Variants in CD58 observed in about 807,000 individuals in gnomAD.
CD58 encodes the protein lymphocyte function-associated antigen 3.
Under a neutral mutation model 27.6 loss-of-function variants are expected in CD58, and 14 were observed. That is an observed-to-expected ratio of 0.51 (90% CI 0.34 to 0.79). CD58 has a LOEUF of 0.79. Ranked by LOEUF, CD58 falls within the 30% of genes least tolerant of loss-of-function variation. The pLI is 0.02. For missense variants in CD58, 268 were observed against 301.7 expected, an observed-to-expected ratio of 0.89 and a Z score of 0.83; for synonymous variants, 117 against 103.8, an observed-to-expected ratio of 1.13 and a Z score of -0.77.
chr1:116,557,096 T>C lies in CD58; in HGVS notation c.71-12492A>G, dbSNP rs1393732583. On this transcript the variant is annotated intron_variant, in intron 1 of 5. Transcript: ENST00000369489. The surrounding 1 kb of genome is among the most constrained non-coding windows in gnomAD (Gnocchi z 5.2). ...GCTGTATCCCCATATGTCTGGCATATGGACTTTCAATAAATATCTGTTGAA... is the reference window on the plus strand; with the variant it reads ...GCTGTATCCCCATATGTCTGGCATACGGACTTTCAATAAATATCTGTTGAA... Among the ~76,000 whole-genome samples the C allele has an allele frequency of 2.0e-5, 3 of 152,252 alleles. No homozygotes were observed. The highest frequency in any genetic ancestry group is 7.2e-5 in the African/African-American group (3 of 41,462).
intron 1 of CD58, among the ~76,000 whole-genome samples, chr1:116,567,198 G>GAAGGT (rs1430507677): frequency 7.6e-5 from 10 of 131,290 alleles, no homozygotes; most frequent in Non-Finnish European, 1.5e-4. Flanking sequence ...GAAGGGAAGG[G>GAAGGT]AAGGGAAGGG....
chr1:116,560,472 G>A (rs145606013), intron 1 of CD58, among the ~76,000 whole-genome samples: 87 of 152,264 alleles, frequency 5.7e-4, no homozygotes, highest in African/African-American at 1.7e-3. Context: ...TCAGTTCATC[G>A]TTGGGAAACT....
In CD58 at chr1:116,521,914, T is replaced by C. The variant is rs1170140279; in HGVS notation, c.698A>G (p.Tyr233Cys). Residue 233 changes from tyrosine (Y) to cysteine (C), a missense_variant, in exon 4 of 6, where the codon TAT (tyrosine) becomes TGT (cysteine). Tyr to Cys is a radical substitution (Grantham distance 194, BLOSUM62 -2). Transcript: ENST00000369489. This position sits in a 1 kb window ranked among gnomAD's most constrained non-coding sequence, Gnocchi z 5.6. ...TTAAAAAGCATACATACCATTCATA[T>C]ACAGCACAATACATGTTGTAATTAC... is the stretch of plus-strand genomic sequence containing the variant. Reference protein sequence around the residue: ...LAVITTCIVLYMNGILKCDRK... With the variant: ...LAVITTCIVLCMNGILKCDRK... 2 of 1,528,740 alleles carry C rather than the reference T, an allele frequency of 1.3e-6. No individual in the cohort carries two copies. The highest frequency in any genetic ancestry group is 1.7e-5 in the Admixed American group (1 of 59,222). 94.7% of individuals were successfully genotyped at this position (1,528,740 alleles called of 1,614,324 possible).
At chr1:116,543,645 G>A (rs952814320) in intron 2 of CD58, among the ~76,000 whole-genome samples, 16 of 151,972 alleles carry the variant, frequency 1.1e-4, no homozygotes, top group Non-Finnish European at 1.6e-4. Context: ...TGCAGGAGCT[G>A]GGTGTGGTGG....
intron 3 of CD58, among the ~76,000 whole-genome samples, chr1:116,525,896 C>T (rs796354010): frequency 5.9e-5 from 9 of 152,310 alleles, no homozygotes; most frequent in African/African-American, 2.2e-4. Flanking sequence ...GGTGATCCGC[C>T]TGCCTCGGCC....
At position 116,534,710 on chromosome 1, in the gene CD58, C is replaced by CACTTT. The variant is rs1438035079; in HGVS notation, c.628+1254_628+1255insAAAGT. ...TTTCTTGAAAAATGTCTTTCCTTTC[C>CACTTT]CAAAAGTGACTCTGCTTTGTCTGAA... On this transcript the variant is annotated intron_variant, in intron 3 of 5. Transcript: ENST00000369489. This position sits in a 1 kb window ranked among gnomAD's most constrained non-coding sequence, Gnocchi z 5.3. Among the ~76,000 whole-genome samples the CACTTT allele has an allele frequency of 1.3e-5, 2 of 152,216 alleles. No homozygotes were observed. The highest frequency in any genetic ancestry group is 4.8e-5 in the African/African-American group (2 of 41,462).
Position 116,521,768 on chromosome 1 carries a change from C to T in CD58, c.706+138G>A, listed in dbSNP as rs769934290. On this transcript the variant is annotated intron_variant, in intron 4 of 5. Coordinates refer to ENST00000369489, the MANE Select transcript of CD58 (RefSeq NM_001779.3). The surrounding 1 kb of genome is among the most constrained non-coding windows in gnomAD (Gnocchi z 5.6). The stretch of plus-strand genomic sequence containing the variant: ...GAACCTAGCATGCTCAGCAGTCCCA[C>T]ACACGTAAAGCAAAAAAGTTTTTGT... 1.6e-6 allele frequency: 1 copy of T among 627,630 alleles called. No individual in the cohort carries two copies. The highest frequency in any genetic ancestry group is 2.9e-6 in the Non-Finnish European group (1 of 340,444). The allele number at this position is 627,630 out of a possible 1,614,324, so 38.9% of individuals were successfully genotyped here. A position where few individuals can be genotyped will look rare whatever the true frequency, so the allele number is the denominator to read the frequency against.
intron 1 of CD58, among the ~76,000 whole-genome samples, chr1:116,547,682 C>A (rs1324418273): frequency 6.6e-6 from 1 of 151,960 alleles, no homozygotes; most frequent in East Asian, 1.9e-4. Flanking sequence ...CCCACATTTT[C>A]TTTATCCACT....
At chr1:116,569,399 A>G (rs1659045112) in intron 1 of CD58, among the ~76,000 whole-genome samples, 1 of 152,062 alleles carries the variant, frequency 6.6e-6, no homozygotes. Context: ...GCCCAGGAGA[A>G]GCTCTCTCAG....
intron 1 of CD58, among the ~76,000 whole-genome samples, chr1:116,556,255 G>GA (rs1158092746): frequency 0.069 from 2,050 of 29,828 alleles, 211 homozygotes; most frequent in African/African-American, 0.15. Context: ...CTCCATCTCA[G>GA]AAAAAAAAAA....
At chr1:116,564,061 G>A (rs1276625976) in intron 1 of CD58, among the ~76,000 whole-genome samples, 1 of 152,180 alleles carries the variant, frequency 6.6e-6, no homozygotes, top group Non-Finnish European at 1.5e-5. Context: ...AAAACTGAAT[G>A]CTTTTAACAG....
At chr1:116,558,522 C>G (rs1224303382) in intron 1 of CD58, among the ~76,000 whole-genome samples, 1 of 152,224 alleles carries the variant, frequency 6.6e-6, no homozygotes, top group African/African-American at 2.4e-5. Context: ...AGCGGCCAAT[C>G]TCCTAAAATG....
rs939869437 is a variant in CD58, at chr1:116,521,280, C to T, written c.706+626G>A. Among the ~76,000 whole-genome samples, 3 of 152,152 alleles carry T rather than the reference C, an allele frequency of 2.0e-5. No homozygotes were observed. The East Asian group carries it at 5.8e-4, about 29-fold the overall frequency. ...TTGGTGAAGGCTGGTATGGAAACTGCTGTGGCATCAAGAATATCCACTCTT... is the reference window on the plus strand; with the variant it reads ...TTGGTGAAGGCTGGTATGGAAACTGTTGTGGCATCAAGAATATCCACTCTT... On this transcript the variant is annotated intron_variant, in intron 4 of 5. Coordinates refer to ENST00000369489, the MANE Select transcript of CD58 (RefSeq NM_001779.3). This position sits in a 1 kb window ranked among gnomAD's most constrained non-coding sequence, Gnocchi z 5.6.
rs1657253417 is a variant in CD58, at chr1:116,521,251, C to T, written c.706+655G>A. Among the ~76,000 whole-genome samples the T allele has an allele frequency of 6.6e-6, 1 of 152,100 alleles. No individual in the cohort carries two copies. The highest frequency in any genetic ancestry group is 2.4e-5 in the African/African-American group (1 of 41,388). ...TCGGCATTCCCTGTCTGGCATATTTCCTTTTGGTGAAGGCTGGTATGGAAA... is the reference window on the plus strand; with the variant it reads ...TCGGCATTCCCTGTCTGGCATATTTTCTTTTGGTGAAGGCTGGTATGGAAA... On this transcript the variant is annotated intron_variant, in intron 4 of 5. Transcript: ENST00000369489. This position sits in a 1 kb window ranked among gnomAD's most constrained non-coding sequence, Gnocchi z 5.6.
chr1:116,568,055 C>CA (rs34531651), intron 1 of CD58, among the ~76,000 whole-genome samples: 29,754 of 81,478 alleles, frequency 0.37, 4,236 homozygotes, highest in Middle Eastern at 0.44. Context: ...CTTAAAGTAC[C>CA]AAAAAAAAAA....
At position 116,519,556 on chromosome 1, in the gene CD58, T is replaced by C. The variant is rs747812883; in HGVS notation, c.707-289A>G. On this transcript the variant is annotated intron_variant, in intron 4 of 5. Coordinates refer to ENST00000369489, the MANE Select transcript of CD58 (RefSeq NM_001779.3). The surrounding 1 kb of genome is among the most constrained non-coding windows in gnomAD (Gnocchi z 4.7). The stretch of plus-strand genomic sequence containing the variant: ...GCTGAAGATGCAGGGAAGGCTAGAA[T>C]AGTTTGGACCAGTGCTGTCCAATAG... 1.5e-4 allele frequency among the ~76,000 whole-genome samples: 23 copies of C among 152,324 alleles called. No individual in the cohort carries two copies. Among genetic ancestry groups the C allele is most frequent in the Admixed American group, 6.5e-4 (10 of 15,308 alleles).
chr1:116,536,617 T>C lies in CD58; in HGVS notation c.365-389A>G, dbSNP rs1657817126. Among the ~76,000 whole-genome samples the C allele has an allele frequency of 6.6e-6, 1 of 152,162 alleles. No individual in the cohort carries two copies. The highest frequency in any genetic ancestry group is 1.5e-5 in the Non-Finnish European group (1 of 68,042). ...GTGTGTGGCAGTTCTCTCTCTCTCC[T>C]GCTGCCTTGTGAAAAAAGTGCTTGC... is the stretch of plus-strand genomic sequence containing the variant. On this transcript the variant is annotated intron_variant, in intron 2 of 5. Transcript: ENST00000369489. This position sits in a 1 kb window ranked among gnomAD's most constrained non-coding sequence, Gnocchi z 5.4.
intron 1 of CD58, among the ~76,000 whole-genome samples, chr1:116,548,361 G>T (rs569331869): frequency 6.1e-3 from 1 of 164 alleles, no homozygotes; most frequent in South Asian, 0.17. Context: ...TCTTGGTCAT[G>T]ACCTTTTGCC....
chr1:116,536,489 C>T lies in CD58; in HGVS notation c.365-261G>A, dbSNP rs1019821429. 6.6e-6 allele frequency among the ~76,000 whole-genome samples: 1 copy of T among 152,014 alleles called. No individual in the cohort carries two copies. The highest frequency in any genetic ancestry group is 2.4e-5 in the African/African-American group (1 of 41,374). Reference sequence around the variant, plus strand: ...ATCTTGAATTGTAATTCCCATGTGTCGAGAGAGGGACCTGGTGGGAGGTGA... The same window carrying T: ...ATCTTGAATTGTAATTCCCATGTGTTGAGAGAGGGACCTGGTGGGAGGTGA... On this transcript the variant is annotated intron_variant, in intron 2 of 5. Coordinates refer to ENST00000369489, the MANE Select transcript of CD58 (RefSeq NM_001779.3). The surrounding 1 kb of genome is among the most constrained non-coding windows in gnomAD (Gnocchi z 5.4).
Sources: gnomAD v4.1 joint callset for allele counts (sites outside exome capture counted in the v4.1 genomes callset) on GRCh38, gnomAD v4.1.1 for gene constraint, Gnocchi (gnomAD v3.1) non-coding constraint, MANE v1.5 for transcripts, NCBI Gene and HGNC (gene_info 2026-07-23, HGNC 2026-07-21) for gene names.